The following LCP2 variants were observed in gnomAD, a reference collection of about 807,000 sequenced individuals.
The protein encoded by LCP2 is 76 kDa tyrosine phosphoprotein.
LCP2 carries 29 observed loss-of-function variants against 74.5 expected under a neutral mutation model. The observed-to-expected ratio is 0.39, with a 90% CI of 0.29 to 0.53. The LOEUF (loss-of-function observed/expected upper bound fraction) is 0.53. Ranked by LOEUF, LCP2 falls within the 20% of genes least tolerant of loss-of-function variation. The pLI, the probability that LCP2 is intolerant of heterozygous loss-of-function variation, is 0.72. For synonymous variants in LCP2, 228 were observed against 229.5 expected, an observed-to-expected ratio of 0.99 and a Z score of 0.06; for missense variants, 604 against 634.6, an observed-to-expected ratio of 0.95 and a Z score of 0.52.
Position 170,266,978 on chromosome 5 carries a change from C to T in LCP2, c.688+31G>A, listed in dbSNP as rs765807470. The T allele has an allele frequency of 3.1e-6, 5 of 1,613,382 alleles. No homozygotes were observed. In the East Asian group the frequency reaches 6.7e-5, roughly 22 times the overall value. ...GGGCTAGGGGAGTGCCTGGTGGGAA[C>T]AGGGCAAGAGAGAGCAGCCCTTGTA... On this transcript the variant is annotated intron_variant, in intron 9 of 20. Transcript: ENST00000046794.
intron 5 of LCP2, among the ~76,000 whole-genome samples, chr5:170,274,922 A>G (rs907754116): frequency 1.4e-4 from 21 of 150,418 alleles, no homozygotes; most frequent in Non-Finnish European, 2.7e-4. Flanking sequence ...GCTTGCAGTG[A>G]GCCGAGATCG....
Position 170,247,727 on chromosome 5 carries a change from G to A in LCP2, c.*970C>T, listed in dbSNP as rs964011867. 1 of 152,194 alleles carries A rather than the reference G, an allele frequency of 6.6e-6. No homozygotes were observed. Among genetic ancestry groups the A allele is most frequent in the African/African-American group, 2.4e-5 (1 of 41,438 alleles). The allele number at this position is 152,194 out of a possible 1,614,324, so 9.4% of individuals were successfully genotyped here. A position where few individuals can be genotyped will look rare whatever the true frequency, so the allele number is the denominator to read the frequency against. On this transcript the variant is annotated 3_prime_UTR_variant, in exon 21 of 21. Transcript: ENST00000046794. ...GACTTTATGGCAGAGCTGTCAGGGG[G>A]ATAACAAGAGACAGAAGAGCCATAT... is the stretch of plus-strand genomic sequence containing the variant.
In LCP2 at chr5:170,274,298, CA is replaced by C; in HGVS notation, c.324+2del. 6.2e-7 allele frequency: 1 copy of C among 1,613,138 alleles called. No individual in the cohort carries two copies. The highest frequency in any genetic ancestry group is 8.5e-7 in the Non-Finnish European group (1 of 1,179,592). ...GTGCAAGAACAGCCCACACCATACT[CA>C]CAAAGGACGACCAGCCCCCATTGTC... On this transcript the variant is annotated splice_donor_variant, in intron 6 of 20. Coordinates refer to ENST00000046794, the MANE Select transcript of LCP2 (RefSeq NM_005565.5). LOFTEE classifies it high-confidence loss of function.
Position 170,247,836 on chromosome 5 carries a change from G to A in LCP2, c.*861C>T, listed in dbSNP as rs572225076. The A allele has an allele frequency of 6.6e-6, 1 of 152,286 alleles. No homozygotes were observed. Among genetic ancestry groups the A allele is most frequent in the Non-Finnish European group, 1.5e-5 (1 of 68,092 alleles). 9.4% of individuals were successfully genotyped at this position (152,286 alleles called of 1,614,324 possible). On this transcript the variant is annotated 3_prime_UTR_variant, in exon 21 of 21. Transcript: ENST00000046794. The stretch of plus-strand genomic sequence containing the variant: ...AGCCTTTGGTAAAATCTATATCCCT[G>A]GACAATGCTTTTGGGGTTGGGAGAA...
rs201195184 is a variant in LCP2 at position 170,262,695 on chromosome 5, G to A, written c.866C>T (p.Pro289Leu). The change falls in exon 13 of 21, where the codon CCG becomes CTG. Residue 289 changes from proline (P) to leucine (L), a missense_variant. Transcript: ENST00000046794. ...GCTCCTTTCATGTCTTTCCGTGGTCGGTGGTAAAGGAGGCTTTTGAATCTT... is the reference window on the plus strand; with the variant it reads ...GCTCCTTTCATGTCTTTCCGTGGTCAGTGGTAAAGGAGGCTTTTGAATCTT... ...LPKIQKPPLP[P>L]TTERHERSSP... 1,213 of 1,614,000 alleles carry A rather than the reference G, an allele frequency of 7.5e-4. 8 individuals are homozygous for A. Among genetic ancestry groups the A allele is most frequent in the Middle Eastern group, 3.5e-3 (21 of 6,062 alleles).
chr5:170,291,226 A>AAGGAAGGAAGG (rs1561979324), intron 2 of LCP2, among the ~76,000 whole-genome samples: 12 of 52,906 alleles, frequency 2.3e-4, no homozygotes, highest in African/African-American at 4.1e-4. Flanking sequence ...AGGAAGGAAG[A>AAGGAAGGAAGG]AAGGAAGGAA....
chr5:170,295,361 CA>C (rs1762355911), intron 1 of LCP2, among the ~76,000 whole-genome samples: 1 of 152,216 alleles, frequency 6.6e-6, no homozygotes, highest in Non-Finnish European at 1.5e-5. Context: ...GCAGAAGGAA[CA>C]CGCATTAGGA....
At position 170,258,870 on chromosome 5, in the gene LCP2, A is replaced by G; in HGVS notation, c.966T>C (p.Asp322=). ...AGAATGTGTTTCCGAACATACCATC[A>G]TCTTCATCCTGGGAAGGGGAAGAAA... ...WGPDRRENDE[D]DVHQRPLPQP... is the part of the protein sequence containing the mutation. Residue 322 remains aspartate, a synonymous_variant, in exon 15 of 21, where the codon GAT becomes GAC. Transcript: ENST00000046794. The G allele has an allele frequency of 6.3e-7, 1 of 1,586,630 alleles. No homozygotes were observed. Among genetic ancestry groups the G allele is most frequent in the Non-Finnish European group, 8.6e-7 (1 of 1,161,378 alleles).
Position 170,297,623 on chromosome 5 carries a change from C to A in LCP2, c.-12G>T. ...TTCCTCAGTGCCATGGCTGCTCTCC[C>A]GGGAAGAAGCTCACAAGCTGAGCAT... On this transcript the variant is annotated 5_prime_UTR_variant, in exon 1 of 21. Transcript: ENST00000046794. 1 of 1,603,638 alleles carries A rather than the reference C, an allele frequency of 6.2e-7. No individual in the cohort carries two copies. Among genetic ancestry groups the A allele is most frequent in the Non-Finnish European group, 8.5e-7 (1 of 1,174,760 alleles).
Position 170,247,649 on chromosome 5 carries a change from T to A in LCP2, c.*1048A>T, listed in dbSNP as rs1017450196. ...GATATTTGTAAACTGGAGGAAAGAG[T>A]TTAATTACCTCAAAGCACTTATACA... On this transcript the variant is annotated 3_prime_UTR_variant, in exon 21 of 21. Coordinates refer to ENST00000046794, the MANE Select transcript of LCP2 (RefSeq NM_005565.5). The A allele has an allele frequency of 2.0e-5, 3 of 152,032 alleles. No homozygotes were observed. Among genetic ancestry groups the A allele is most frequent in the African/African-American group, 4.8e-5 (2 of 41,382 alleles). 9.4% of individuals were successfully genotyped at this position (152,032 alleles called of 1,614,324 possible). A position where few individuals can be genotyped will look rare whatever the true frequency, so the allele number is the denominator to read the frequency against.
intron 1 of LCP2, among the ~76,000 whole-genome samples, chr5:170,294,106 T>C (rs190212471): frequency 6.6e-6 from 1 of 152,334 alleles, no homozygotes; most frequent in Non-Finnish European, 1.5e-5. Context: ...TGAGGTTCCA[T>C]GGGTTTTAGG....
At chr5:170,268,836 T>C (rs1761826164) in intron 7 of LCP2, among the ~76,000 whole-genome samples, 1 of 59,794 alleles carries the variant, frequency 1.7e-5, no homozygotes, top group African/African-American at 7.0e-5. Context: ...AACATACGCA[T>C]ACCTCTGTAT....
chr5:170,267,412 C>G (rs1295159753), intron 8 of LCP2: 1 of 402,240 alleles, frequency 2.5e-6, no homozygotes, highest in Admixed American at 3.7e-5. Flanking sequence ...TTCCTGTGAT[C>G]CCTTCTCAGT....
chr5:170,265,451 A>G (rs1239673808), intron 10 of LCP2, among the ~76,000 whole-genome samples: 1 of 152,248 alleles, frequency 6.6e-6, no homozygotes, highest in Non-Finnish European at 1.5e-5. Flanking sequence ...ATGCTTTTAA[A>G]TATAGAAAAA....
In LCP2 at chr5:170,248,224, T is replaced by C. The variant is rs1159979204; in HGVS notation, c.*473A>G. ...TTTTTGAAGCCTCTTAAATTATTGC[T>C]GCTGAGAAAACGAGGTTTAGTGATT... On this transcript the variant is annotated 3_prime_UTR_variant, in exon 21 of 21. Transcript: ENST00000046794. 1 of 152,836 alleles carries C rather than the reference T, an allele frequency of 6.5e-6. No individual in the cohort carries two copies. Among genetic ancestry groups the C allele is most frequent in the Non-Finnish European group, 1.5e-5 (1 of 68,160 alleles). The allele number at this position is 152,836 out of a possible 1,614,324, so 9.5% of individuals were successfully genotyped here.
chr5:170,272,592 A>ATTTTTTTT (rs1761913090), intron 6 of LCP2, among the ~76,000 whole-genome samples: 1 of 34,300 alleles, frequency 2.9e-5, no homozygotes, highest in Non-Finnish European at 6.8e-5. Context: ...CCCATCAAAT[A>ATTTTTTTT]TTTTCTTTTT....
intron 14 of LCP2, 107 bp from the exon 15 acceptor site, chr5:170,258,985 T>C (rs1029695269): frequency 2.7e-6 from 2 of 740,378 alleles, no homozygotes; most frequent in Non-Finnish European, 4.6e-6. Context: ...ATCTGTTTCT[T>C]TCTCTGGCAG....
In LCP2 at chr5:170,247,641, G is replaced by A. The variant is rs1761328264; in HGVS notation, c.*1056C>T. On this transcript the variant is annotated 3_prime_UTR_variant, in exon 21 of 21. Transcript: ENST00000046794. ...TGTTAAGTGATATTTGTAAACTGGA[G>A]GAAAGAGTTTAATTACCTCAAAGCA... 2 of 152,184 alleles carry A rather than the reference G, an allele frequency of 1.3e-5. No individual in the cohort carries two copies. The allele number at this position is 152,184 out of a possible 1,614,324, so 9.4% of individuals were successfully genotyped here.
At position 170,289,671 on chromosome 5, in the gene LCP2, T is replaced by TTTTCTCTC. The variant is rs1554141411; in HGVS notation, c.142-1656_142-1655insGAGAGAAA. ...TTTCTTTCTTTCTTTCTTTCTTTCT[T>TTTTCTCTC]TCTCTCTCTCTCTCTTTCTTTCTTT... is the stretch of plus-strand genomic sequence containing the variant. On this transcript the variant is annotated intron_variant, in intron 2 of 20. Transcript: ENST00000046794. 1.4e-4 allele frequency among the ~76,000 whole-genome samples: 12 copies of TTTTCTCTC among 84,052 alleles called. 1 individual carries two copies. The highest frequency in any genetic ancestry group is 4.9e-4 in the African/African-American group (11 of 22,428). The allele number at this position is 84,052 out of a possible 152,430, so 55.1% of individuals were successfully genotyped here.
Sources: gnomAD v4.1 joint callset for allele counts (sites outside exome capture counted in the v4.1 genomes callset) on GRCh38, gnomAD v4.1.1 for gene constraint, MANE v1.5 for transcripts, NCBI Gene and HGNC (gene_info 2026-07-23, HGNC 2026-07-21) for gene names.